The following ITGA8 variants were observed in gnomAD, a reference collection of about 807,000 sequenced individuals.
ITGA8 encodes the protein integrin subunit alpha 8.
A neutral mutation model predicts 142.3 loss-of-function variants in ITGA8; 91 were observed. The observed-to-expected ratio is 0.64, with a 90% CI of 0.54 to 0.76. ITGA8 has a LOEUF of 0.76. Ranked by LOEUF, ITGA8 falls within the 30% of genes least tolerant of loss-of-function variation. The pLI is 0.00. For missense variants in ITGA8, 1,406 were observed against 1,327.7 expected (o/e 1.06, Z -0.92); for synonymous variants, 505 against 485.2 (o/e 1.04, Z -0.54).
chr10:15,646,084 A>C (rs1384777148), intron 12 of ITGA8, among the ~76,000 whole-genome samples: 1 of 152,192 alleles, frequency 6.6e-6, no homozygotes, highest in Non-Finnish European at 1.5e-5. Context: ...GTTACCTTTA[A>C]GTCACCAAAT....
intron 22 of ITGA8, among the ~76,000 whole-genome samples, chr10:15,591,589 T>C (rs1321972936): frequency 6.6e-6 from 1 of 152,100 alleles, no homozygotes; most frequent in Non-Finnish European, 1.5e-5. Flanking sequence ...GGTCTTCCTG[T>C]TCACGAAATA....
intron 23 of ITGA8, among the ~76,000 whole-genome samples, chr10:15,575,821 T>C (rs932797535): frequency 6.6e-6 from 1 of 152,148 alleles, no homozygotes; most frequent in African/African-American, 2.4e-5. Context: ...GGCAACTATT[T>C]TATAGCATCT....
At chr10:15,568,063 A>C (rs954753175) in intron 25 of ITGA8, among the ~76,000 whole-genome samples, 1 of 152,126 alleles carries the variant, frequency 6.6e-6, no homozygotes, top group African/African-American at 2.4e-5. Flanking sequence ...CAGGGACTAC[A>C]GGCATGTGTC....
intron 19 of ITGA8, among the ~76,000 whole-genome samples, 167 bp from the exon 20 acceptor site, chr10:15,604,522 A>T (rs1347835131): frequency 2.0e-5 from 3 of 151,074 alleles, no homozygotes; most frequent in African/African-American, 7.3e-5. Flanking sequence ...ATCTCTGGGT[A>T]AAAAGGGCAG....
At position 15,590,138 on chromosome 10, in the gene ITGA8, T is replaced by A. The variant is rs1427736639; in HGVS notation, c.2291+2087A>T. On this transcript the variant is annotated intron_variant, in intron 22 of 29. Transcript: ENST00000378076. ...TAATGCTGTATGTATATTCCAGTTC[T>A]TTCTGCATTTCTGCATCTTTATATT... is the stretch of plus-strand genomic sequence containing the variant. Among the ~76,000 whole-genome samples, 4 of 152,232 alleles carry A rather than the reference T, an allele frequency of 2.6e-5. No homozygotes were observed. The South Asian group carries it at 6.2e-4, about 24-fold the overall frequency.
intron 27 of ITGA8, among the ~76,000 whole-genome samples, chr10:15,536,822 G>A (rs1332261554): frequency 1.3e-5 from 2 of 152,196 alleles, no homozygotes; most frequent in Non-Finnish European, 2.9e-5. Flanking sequence ...ACCAATAAAA[G>A]TGAGTTGGTA....
chr10:15,602,350 AT>A (rs1484724466), intron 20 of ITGA8, among the ~76,000 whole-genome samples: 34 of 152,332 alleles, frequency 2.2e-4, no homozygotes, highest in African/African-American at 7.9e-4. Flanking sequence ...ATTAAACACC[AT>A]TTTTATAAGT....
chr10:15,514,948 A>ACTAT lies in ITGA8; in HGVS notation c.*2206_*2209dup, dbSNP rs1368297880. 1 of 152,094 alleles carries ACTAT rather than the reference A, an allele frequency of 6.6e-6. No homozygotes were observed. Among genetic ancestry groups the ACTAT allele is most frequent in the African/African-American group, 2.4e-5 (1 of 41,380 alleles). The allele number at this position is 152,094 out of a possible 1,614,324, so 9.4% of individuals were successfully genotyped here. On this transcript the variant is annotated 3_prime_UTR_variant, in exon 30 of 30. Transcript: ENST00000378076. The stretch of plus-strand genomic sequence containing the variant: ...TAGTTCCTTCCAGGTATCTGCATAA[A>ACTAT]CTATCTCAACAGGGGTCTTTTTTTA...
chr10:15,671,464 C>A, intron 8 of ITGA8, 139 bp downstream of exon 8: 1 of 599,994 alleles, frequency 1.7e-6, no homozygotes, highest in Non-Finnish European at 3.0e-6. Flanking sequence ...ATTTTTTCTA[C>A]AAAGTATAGG....
chr10:15,602,019 T>C (rs2131605500), intron 20 of ITGA8, among the ~76,000 whole-genome samples: 1 of 152,372 alleles, frequency 6.6e-6, no homozygotes, highest in African/African-American at 2.4e-5. Flanking sequence ...TCCCTTGTAA[T>C]GTTTACAGCC....
intron 13 of ITGA8, among the ~76,000 whole-genome samples, chr10:15,641,559 C>A (rs1186668878): frequency 1.3e-5 from 2 of 152,048 alleles, no homozygotes; most frequent in African/African-American, 4.8e-5. Context: ...TCATGAATCA[C>A]AAGATATCCA....
At chr10:15,617,656 C>T (rs370135094) in intron 13 of ITGA8, among the ~76,000 whole-genome samples, 34 of 152,286 alleles carry the variant, frequency 2.2e-4, no homozygotes, top group African/African-American at 7.7e-4. Flanking sequence ...GCCTCGGCCT[C>T]CCAAAGTGCT....
chr10:15,708,068 C>T (rs540965152), intron 2 of ITGA8, among the ~76,000 whole-genome samples: 3 of 151,996 alleles, frequency 2.0e-5, no homozygotes, highest in Admixed American at 1.3e-4. Flanking sequence ...GAACCCCATC[C>T]GACGGGACAA....
chr10:15,688,463 T>C (rs916131570), intron 2 of ITGA8, among the ~76,000 whole-genome samples: 1 of 152,008 alleles, frequency 6.6e-6, no homozygotes, highest in Non-Finnish European at 1.5e-5. Flanking sequence ...AAAGTAAGAC[T>C]CTGTCTCAAA....
intron 25 of ITGA8, among the ~76,000 whole-genome samples, chr10:15,568,907 C>T (rs1452340076): frequency 6.6e-6 from 1 of 152,166 alleles, no homozygotes; most frequent in Non-Finnish European, 1.5e-5. Flanking sequence ...TATGTGGGAA[C>T]TTGCAGGGAT....
chr10:15,678,438 T>A (rs1232483656), intron 5 of ITGA8, among the ~76,000 whole-genome samples: 1 of 152,216 alleles, frequency 6.6e-6, no homozygotes, highest in African/African-American at 2.4e-5. Flanking sequence ...GATTTTCATT[T>A]AAAAAATTAT....
chr10:15,624,793 T>A (rs1024566912), intron 13 of ITGA8, among the ~76,000 whole-genome samples: 29 of 152,136 alleles, frequency 1.9e-4, no homozygotes, highest in African/African-American at 6.3e-4. Flanking sequence ...TTTCATACAA[T>A]GATGATATTA....
Position 15,597,469 on chromosome 10 carries a change from AG to A in ITGA8, c.2119-171del, listed in dbSNP as rs753894577. 1.5e-3 allele frequency among the ~76,000 whole-genome samples: 224 copies of A among 152,332 alleles called. 1 individual carries two copies. Among genetic ancestry groups the A allele is most frequent in the Non-Finnish European group, 1.4e-3 (98 of 68,022 alleles). The stretch of plus-strand genomic sequence containing the variant: ...TCAGAAGAGAAAATGGAGAGAGAAA[AG>A]TAAAAGTTAAATTTTAGAAATAAAT... On this transcript the variant is annotated intron_variant, in intron 20 of 29. Coordinates refer to ENST00000378076, the MANE Select transcript of ITGA8 (RefSeq NM_003638.3).
intron 12 of ITGA8, among the ~76,000 whole-genome samples, chr10:15,646,116 A>C (rs1445584868): frequency 1.3e-5 from 2 of 152,176 alleles, no homozygotes; most frequent in South Asian, 4.1e-4. Flanking sequence ...TTTTAAAAAT[A>C]ATTCCTGCCT....
Sources: gnomAD v4.1 joint callset for allele counts (sites outside exome capture counted in the v4.1 genomes callset) on GRCh38, gnomAD v4.1.1 for gene constraint, MANE v1.5 for transcripts, NCBI Gene and HGNC (gene_info 2026-07-23, HGNC 2026-07-21) for gene names.